The following PEPD variants were observed in gnomAD, a reference collection of about 807,000 sequenced individuals.
PEPD encodes peptidase D, also known as xaa-Pro dipeptidase.
In PEPD, 53 loss-of-function variants were observed where a neutral mutation model predicts 60.7. That is an observed-to-expected ratio of 0.87 (90% CI 0.70 to 1.10). The LOEUF is 1.10. Ranked by LOEUF, PEPD falls within the 50% of genes least tolerant of loss-of-function variation. PEPD has a pLI of 0.00. For missense variants in PEPD, 711 were observed against 711.9 expected (o/e 1.00, Z 0.01); for synonymous variants, 267 against 284.1 (o/e 0.94, Z 0.60).
intron 12 of PEPD, among the ~76,000 whole-genome samples, chr19:33,392,124 C>T (rs1158304427): frequency 6.6e-6 from 1 of 151,596 alleles, no homozygotes; most frequent in African/African-American, 2.4e-5. Flanking sequence ...GCCCCGCCTG[C>T]CAACAGCAGG....
intron 9 of PEPD, among the ~76,000 whole-genome samples, chr19:33,425,742 G>T (rs751908140): frequency 1.6e-4 from 24 of 152,210 alleles, no homozygotes; most frequent in Admixed American, 3.3e-4. Context: ...GTAGAGGTGA[G>T]ACAAGAACTT....
intron 9 of PEPD, among the ~76,000 whole-genome samples, chr19:33,443,723 G>A (rs978625558): frequency 6.6e-6 from 1 of 152,216 alleles, no homozygotes; most frequent in Non-Finnish European, 1.5e-5. Context: ...TGAAAGAGGA[G>A]TGATCTGACA....
chr19:33,402,404 G>A (rs902448686), intron 11 of PEPD, among the ~76,000 whole-genome samples: 1 of 152,170 alleles, frequency 6.6e-6, no homozygotes, highest in African/African-American at 2.4e-5. Context: ...CTAGAACTCC[G>A]GGCCTGAATC....
chr19:33,439,187 C>T (rs1414160297), intron 9 of PEPD, among the ~76,000 whole-genome samples: 2 of 152,226 alleles, frequency 1.3e-5, no homozygotes, highest in African/African-American at 2.4e-5. Context: ...AAAAGTGCGA[C>T]GTGGACAGGG....
intron 7 of PEPD, among the ~76,000 whole-genome samples, chr19:33,467,210 T>C (rs1893131117): frequency 6.6e-6 from 1 of 151,572 alleles, no homozygotes. Flanking sequence ...TTATGTGCTC[T>C]TGATGCTAGG....
At chr19:33,448,214 A>G (rs1323171176) in intron 9 of PEPD, among the ~76,000 whole-genome samples, 1 of 152,224 alleles carries the variant, frequency 6.6e-6, no homozygotes, top group Non-Finnish European at 1.5e-5. Flanking sequence ...CAAACCTCAC[A>G]GCATAATCAC....
At position 33,499,555 on chromosome 19, in the gene PEPD, C is replaced by T. The variant is rs564247569; in HGVS notation, c.393+1383G>A. On this transcript the variant is annotated intron_variant, in intron 4 of 14. Coordinates refer to ENST00000244137, the MANE Select transcript of PEPD (RefSeq NM_000285.4). ...GAACGTCTGGGGAAAAAGAACTGGA[C>T]GTTCAAGACAAATACAAGACAGTCA... Among the ~76,000 whole-genome samples the T allele has an allele frequency of 6.6e-5, 10 of 152,146 alleles. No individual in the cohort carries two copies. In the South Asian group the frequency reaches 8.3e-4, roughly 13 times the overall value.
intron 9 of PEPD, among the ~76,000 whole-genome samples, chr19:33,453,317 A>AAAATAAATATATAAATAAAT: frequency 6.7e-6 from 1 of 148,754 alleles, no homozygotes; most frequent in African/African-American, 2.5e-5. Flanking sequence ...CTGTCATAAA[A>AAAATAAATATATAAATAAAT]AAATAAATAA....
intron 9 of PEPD, among the ~76,000 whole-genome samples, chr19:33,448,721 C>T (rs1969639413): frequency 6.6e-6 from 1 of 152,016 alleles, no homozygotes; most frequent in Admixed American, 6.6e-5. Flanking sequence ...GGGCCTGTGG[C>T]GTGCACCCTG....
At chr19:33,470,493 C>T (rs973531027) in intron 7 of PEPD, among the ~76,000 whole-genome samples, 4 of 152,082 alleles carry the variant, frequency 2.6e-5, no homozygotes, top group African/African-American at 9.7e-5. Flanking sequence ...GGGTCGGAGA[C>T]GACCCCCTTC....
At chr19:33,510,643 A>C (rs1052298753) in intron 3 of PEPD, among the ~76,000 whole-genome samples, 4 of 152,182 alleles carry the variant, frequency 2.6e-5, no homozygotes, top group African/African-American at 7.2e-5. Context: ...AGGCAAGGGT[A>C]AGAAGGCCTT....
intron 9 of PEPD, among the ~76,000 whole-genome samples, chr19:33,456,014 TCTTCTCTCTG>T (rs1174325300): frequency 2.0e-5 from 3 of 152,148 alleles, no homozygotes; most frequent in African/African-American, 7.2e-5. Flanking sequence ...TGCAGAAAGC[TCTTCTCTCTG>T]GTTCTCTGTC....
intron 12 of PEPD, among the ~76,000 whole-genome samples, chr19:33,392,978 G>A (rs1371504042): frequency 6.6e-6 from 1 of 152,174 alleles, no homozygotes; most frequent in African/African-American, 2.4e-5. Flanking sequence ...CACGGCTTTG[G>A]GCAGGCAGTA....
chr19:33,449,586 C>A (rs902953839), intron 9 of PEPD, among the ~76,000 whole-genome samples: 1 of 152,090 alleles, frequency 6.6e-6, no homozygotes, highest in African/African-American at 2.4e-5. Context: ...CTCACTGGTG[C>A]GCAAGTGGAC....
chr19:33,499,343 G>C (rs1036136622), intron 4 of PEPD, among the ~76,000 whole-genome samples: 2 of 152,166 alleles, frequency 1.3e-5, no homozygotes, highest in South Asian at 4.1e-4. Context: ...GTAGAGGTGG[G>C]CAGTGCCCTT....
At chr19:33,403,560 G>T (rs1968551290) in intron 11 of PEPD, among the ~76,000 whole-genome samples, 1 of 152,180 alleles carries the variant, frequency 6.6e-6, no homozygotes. Context: ...CCTGCCTGTG[G>T]GGGGTCCTGT....
chr19:33,399,655 G>A (rs1057025548), intron 12 of PEPD, among the ~76,000 whole-genome samples: 4 of 152,196 alleles, frequency 2.6e-5, no homozygotes, highest in Non-Finnish European at 5.9e-5. Flanking sequence ...CACTTGGGCC[G>A]GCGATCGAGG....
chr19:33,403,130 A>AG (rs1014525530), intron 11 of PEPD, among the ~76,000 whole-genome samples: 3 of 152,132 alleles, frequency 2.0e-5, no homozygotes, highest in African/African-American at 7.2e-5. Flanking sequence ...GGCCTGGCTG[A>AG]GGGGGCGGAG....
chr19:33,492,042 T>C lies in PEPD; in HGVS notation c.441+1248A>G, dbSNP rs1465334884. ...TCTACTTTACTTTTTATATTCCATT[T>C]CAAAAAAAAAAAAAAAAAAAGACAA... On this transcript the variant is annotated intron_variant, in intron 5 of 14. Transcript: ENST00000244137. Among the ~76,000 whole-genome samples the C allele has an allele frequency of 5.2e-5, 6 of 114,430 alleles. No homozygotes were observed. In the East Asian group the frequency reaches 1.3e-3, roughly 25 times the overall value. The allele number at this position is 114,430 out of a possible 152,430, so 75.1% of individuals were successfully genotyped here.
Sources: allele counts gnomAD v4.1 joint callset (sites outside exome capture counted in the v4.1 genomes callset), GRCh38; gene constraint gnomAD v4.1.1; transcripts MANE v1.5; gene names NCBI Gene and HGNC (gene_info 2026-07-23, HGNC 2026-07-21).